Variants in SARDH observed in about 807,000 individuals in gnomAD.
SARDH encodes the protein sarcosine dehydrogenase, mitochondrial.
Under a neutral mutation model 109.1 loss-of-function variants are expected in SARDH, and 95 were observed. The observed-to-expected ratio is 0.87, with a 90% confidence interval of 0.74 to 1.03. SARDH has a LOEUF of 1.03. Ranked by LOEUF, SARDH falls within the 50% of genes least tolerant of loss-of-function variation. The probability of loss-of-function intolerance (pLI) is 0.00; values close to 1 mark genes in which losing one functional copy is unlikely to be tolerated. For synonymous variants in SARDH, 572 were observed against 534.8 expected, an observed-to-expected ratio of 1.07 and a Z score of -0.96; for missense variants, 1,267 against 1,287.8, an observed-to-expected ratio of 0.98 and a Z score of 0.25.
At position 133,724,150 on chromosome 9, in the gene SARDH, C is replaced by T. The variant is rs559547675; in HGVS notation, c.916-5108G>A. On this transcript the variant is annotated intron_variant, in intron 6 of 20. Transcript: ENST00000439388. ...TGCTACAAACCATACCATAAAAAAGCGAAAAGGCTATGTAAAGACTTCTGG... is the reference window on the plus strand; with the variant it reads ...TGCTACAAACCATACCATAAAAAAGTGAAAAGGCTATGTAAAGACTTCTGG... Among the ~76,000 whole-genome samples the T allele has an allele frequency of 8.4e-4, 127 of 151,702 alleles. 1 individual carries two copies. The highest frequency in any genetic ancestry group is 2.6e-3 in the Admixed American group (40 of 15,242).
At chr9:133,726,903 T>C (rs149862897) in intron 6 of SARDH, among the ~76,000 whole-genome samples, 1 of 152,316 alleles carries the variant, frequency 6.6e-6, no homozygotes, top group East Asian at 1.9e-4. Context: ...CCCAGCTGCA[T>C]CACTCTGTCC....
Position 133,666,655 on chromosome 9 carries a change from C to G in SARDH, c.2631+80G>C. On this transcript the variant is annotated intron_variant, in intron 20 of 20. Transcript: ENST00000439388. The surrounding 1 kb of genome is among the most constrained non-coding windows in gnomAD (Gnocchi z 5.2). ...GCCTCCTCCCTATGCCCGGCACACT[C>G]AGGGTGCAGTGCAGGGAGCTGGTTT... is the stretch of plus-strand genomic sequence containing the variant. 1 of 1,527,776 alleles carries G rather than the reference C, an allele frequency of 6.5e-7. No individual in the cohort carries two copies. Among genetic ancestry groups the G allele is most frequent in the South Asian group, 1.2e-5 (1 of 82,472 alleles). 94.6% of individuals were successfully genotyped at this position (1,527,776 alleles called of 1,614,324 possible). A position where few individuals can be genotyped will look rare whatever the true frequency, so the allele number is the denominator to read the frequency against.
Position 133,712,836 on chromosome 9 carries a change from G to T in SARDH, c.1238-127C>A. On this transcript the variant is annotated intron_variant, in intron 9 of 20. Transcript: ENST00000439388. The surrounding 1 kb of genome is among the most constrained non-coding windows in gnomAD (Gnocchi z 4.1). ...GCTCTGCTCTCACACCTGGGGTGCT[G>T]CACGCCTCCTGATTGGACTGCTGCT... 1 of 978,900 alleles carries T rather than the reference G, an allele frequency of 1.0e-6. No homozygotes were observed. Among genetic ancestry groups the T allele is most frequent in the Middle Eastern group, 3.1e-4 (1 of 3,194 alleles). The allele number at this position is 978,900 out of a possible 1,614,324, so 60.6% of individuals were successfully genotyped here.
intron 17 of SARDH, among the ~76,000 whole-genome samples, chr9:133,680,450 T>C (rs1011728201): frequency 6.6e-6 from 1 of 152,216 alleles, no homozygotes; most frequent in African/African-American, 2.4e-5. Flanking sequence ...GGGAGGGCAC[T>C]GTGTCCCAGG....
rs140650551 is a variant in SARDH, at chr9:133,712,649, G to A, written c.1298C>T (p.Pro433Leu). Residue 433 changes from proline (P) to leucine (L), a missense_variant, in exon 10 of 21, where the codon CCG (proline) becomes CTG (leucine). Pro to Leu is a moderately conservative substitution (Grantham distance 98). Coordinates refer to ENST00000439388, the MANE Select transcript of SARDH (RefSeq NM_001134707.2). This position sits in a 1 kb window ranked among gnomAD's most constrained non-coding sequence, Gnocchi z 4.1. ...ELAHWIIHGRPEKDMHGYDIR... is the reference protein window; with the variant it reads ...ELAHWIIHGRLEKDMHGYDIR... The stretch of plus-strand genomic sequence containing the variant: ...GTCATAGCCATGCATGTCCTTCTCC[G>A]GGCGCCCATGGATGATCCAGTGGGC... 1.2e-5 allele frequency: 19 copies of A among 1,610,180 alleles called. No individual in the cohort carries two copies. The highest frequency in any genetic ancestry group is 8.0e-5 in the African/African-American group (6 of 74,954).
At chr9:133,661,129 C>T (rs564799284), downstream of SARDH, among the ~76,000 whole-genome samples, 55 of 152,154 alleles carry the variant, frequency 3.6e-4, no homozygotes, top group Admixed American at 2.6e-4. Context: ...CACCTGAGGT[C>T]GGTAGTTCGA....
chr9:133,711,414 A>T (rs1286553211), intron 10 of SARDH, among the ~76,000 whole-genome samples: 1 of 152,204 alleles, frequency 6.6e-6, no homozygotes, highest in Admixed American at 6.5e-5. Context: ...TTGCAGCAGG[A>T]GGGGCCTGAA....
intron 11 of SARDH, among the ~76,000 whole-genome samples, chr9:133,707,225 C>T (rs1405839122): frequency 1.3e-5 from 2 of 152,220 alleles, no homozygotes; most frequent in African/African-American, 4.8e-5. Context: ...TGCCAAGTTT[C>T]TTCGGTAGAG....
chr9:133,681,779 G>A (rs1351690212), intron 17 of SARDH, among the ~76,000 whole-genome samples: 3 of 152,200 alleles, frequency 2.0e-5, no homozygotes, highest in Admixed American at 2.0e-4. Context: ...TAACTGCCAC[G>A]GCCGGTGCGC....
At chr9:133,677,133 C>T (rs570241420) in intron 17 of SARDH, among the ~76,000 whole-genome samples, 1 of 152,190 alleles carries the variant, frequency 6.6e-6, no homozygotes, top group South Asian at 2.1e-4. Flanking sequence ...AGTGAGACTC[C>T]ATCGCAAATA....
chr9:133,670,711 G>A lies in SARDH; in HGVS notation c.2368C>T (p.Pro790Ser). The change falls in exon 19 of 21, where the codon CCC (proline) becomes TCC (serine). Residue 790 changes from proline to serine, a missense_variant. Coordinates refer to ENST00000439388, the MANE Select transcript of SARDH (RefSeq NM_001134707.2). ...WHADLRPDDS[P>S]LEAGLAFTCK... Reference sequence around the variant, plus strand: ...GTGAAGGCCAGGCCTGCCTCCAGGGGGCTGTCGTCTGGCCGCAGGTCCGCG... The same window carrying A: ...GTGAAGGCCAGGCCTGCCTCCAGGGAGCTGTCGTCTGGCCGCAGGTCCGCG... 1 of 1,602,168 alleles carries A rather than the reference G, an allele frequency of 6.2e-7. No individual in the cohort carries two copies. Among genetic ancestry groups the A allele is most frequent in the Middle Eastern group, 1.7e-4 (1 of 6,002 alleles).
chr9:133,667,722 T>C (rs1270010369), intron 19 of SARDH, among the ~76,000 whole-genome samples: 1 of 152,046 alleles, frequency 6.6e-6, no homozygotes, highest in Non-Finnish European at 1.5e-5. Context: ...AGGGCTGGGG[T>C]GATGTTGAGG....
In SARDH at chr9:133,734,186, C is replaced by A; in HGVS notation, c.-13G>T. ...TCAGTGAGGCCATGGGGGCTCCAGG[C>A]CTCAGCGAAACAGGGAGCTGGGGAG... On this transcript the variant is annotated 5_prime_UTR_variant, in exon 2 of 21. Coordinates refer to ENST00000439388, the MANE Select transcript of SARDH (RefSeq NM_001134707.2). 2 of 1,552,868 alleles carry A rather than the reference C, an allele frequency of 1.3e-6. No individual in the cohort carries two copies. The highest frequency in any genetic ancestry group is 2.4e-5 in the South Asian group (2 of 84,528).
intron 11 of SARDH, among the ~76,000 whole-genome samples, 171 bp downstream of exon 11, chr9:133,708,116 C>T (rs1346746574): frequency 6.6e-6 from 1 of 152,240 alleles, no homozygotes; most frequent in Non-Finnish European, 1.5e-5. Flanking sequence ...TGGCCCTGAG[C>T]ACTGTGCCCA....
At chr9:133,669,501 G>A (rs1052956270) in intron 19 of SARDH, among the ~76,000 whole-genome samples, 1 of 151,474 alleles carries the variant, frequency 6.6e-6, no homozygotes, top group African/African-American at 2.4e-5. Context: ...CACCACGGGA[G>A]GGCCTCTGAT....
chr9:133,692,364 T>C lies in SARDH; in HGVS notation c.1922-1837A>G, dbSNP rs1343766521. 1.3e-5 allele frequency among the ~76,000 whole-genome samples: 2 copies of C among 152,100 alleles called. No homozygotes were observed. Among genetic ancestry groups the C allele is most frequent in the Non-Finnish European group, 2.9e-5 (2 of 68,000 alleles). On this transcript the variant is annotated intron_variant, in intron 15 of 20. Transcript: ENST00000439388. The surrounding 1 kb of genome is among the most constrained non-coding windows in gnomAD (Gnocchi z 5.0). ...GGCTGTGCCTGGGCCGCCCCTCTAC[T>C]GGGGGCTGATGCCTAGCTCCTTACA... is the stretch of plus-strand genomic sequence containing the variant.
At chr9:133,673,326 C>T (rs1343378778) in intron 17 of SARDH, among the ~76,000 whole-genome samples, 1 of 152,240 alleles carries the variant, frequency 6.6e-6, no homozygotes, top group African/African-American at 2.4e-5. Flanking sequence ...CATGGGAAGG[C>T]CTGAGTGCTC....
At chr9:133,690,751 A>C (rs1831062483) in intron 15 of SARDH, among the ~76,000 whole-genome samples, 1 of 152,068 alleles carries the variant, frequency 6.6e-6, no homozygotes, top group South Asian at 2.1e-4. Context: ...CCTGCTTCTC[A>C]ACCCCTACCA....
At position 133,734,164 on chromosome 9, in the gene SARDH, G is replaced by GT; in HGVS notation, c.9dup (p.Leu4ThrfsTer117). On this transcript the variant is annotated frameshift_variant, in exon 2 of 21. Transcript: ENST00000439388. LOFTEE classifies it high-confidence loss of function. The stretch of plus-strand genomic sequence containing the variant: ...GCAGCCACACGTAGGGCTCGGCTCA[G>GT]TGAGGCCATGGGGGCTCCAGGCCTC... 6.3e-7 allele frequency: 1 copy of GT among 1,592,248 alleles called. No individual in the cohort carries two copies. Among genetic ancestry groups the GT allele is most frequent in the Non-Finnish European group, 8.5e-7 (1 of 1,169,976 alleles).
Sources: gnomAD v4.1 joint callset for allele counts (sites outside exome capture counted in the v4.1 genomes callset) on GRCh38, gnomAD v4.1.1 for gene constraint, Gnocchi (gnomAD v3.1) non-coding constraint, MANE v1.5 for transcripts, NCBI Gene and HGNC (gene_info 2026-07-23, HGNC 2026-07-21) for gene names.